STPG2: variants seen among roughly 807,000 people sequenced by gnomAD.
STPG2 encodes the protein sperm-tail PG-rich repeat-containing protein 2.
STPG2 carries 56 observed loss-of-function variants against 54.2 expected under a neutral mutation model. The observed-to-expected ratio is 1.03, with a 90% CI of 0.83 to 1.29. STPG2 has a LOEUF of 1.29. STPG2 is among the 50% of genes most tolerant of loss of function. STPG2 has a pLI of 0.00. For synonymous variants in STPG2, 200 were observed against 181.8 expected (o/e 1.10, Z -0.81); for missense variants, 596 against 544.9 (o/e 1.09, Z -0.93).
chr4:97,692,298 GAA>G (rs70953082), intron 10 of STPG2, among the ~76,000 whole-genome samples: 2,442 of 90,558 alleles, frequency 0.027, 74 homozygotes, highest in African/African-American at 0.098. Flanking sequence ...TACAGGATAT[GAA>G]AAAAAAAAAA....
intron 10 of STPG2, among the ~76,000 whole-genome samples, chr4:97,638,423 C>G (rs984101874): frequency 3.3e-5 from 5 of 152,138 alleles, no homozygotes; most frequent in African/African-American, 1.2e-4. Context: ...CCATTCAGGA[C>G]ATAGGCATGG....
At chr4:97,500,452 G>A (rs1048094637) in intron 4 of STPG2, among the ~76,000 whole-genome samples, 1 of 152,036 alleles carries the variant, frequency 6.6e-6, no homozygotes, top group African/African-American at 2.4e-5. Flanking sequence ...GATTTGATGT[G>A]TGGAGTTTAG....
intron 6 of STPG2, among the ~76,000 whole-genome samples, chr4:97,978,307 C>T (rs1251138124): frequency 6.6e-6 from 1 of 152,136 alleles, no homozygotes; most frequent in Non-Finnish European, 1.5e-5. Context: ...AGAACATATA[C>T]ACCATGAAAT....
intron 8 of STPG2, among the ~76,000 whole-genome samples, chr4:97,844,334 A>G (rs1728885090): frequency 6.6e-6 from 1 of 152,070 alleles, no homozygotes; most frequent in Non-Finnish European, 1.5e-5. Context: ...ATTGCAAATA[A>G]AGATTGACCT....
At chr4:98,038,922 TA>T (rs752108463) in intron 5 of STPG2, among the ~76,000 whole-genome samples, 22 of 151,936 alleles carry the variant, frequency 1.4e-4, no homozygotes, top group Non-Finnish European at 2.5e-4. Context: ...ACTTACATAG[TA>T]AAAAGAGAAA....
At chr4:97,561,882 C>T (rs1732259180) in intron 10 of STPG2, among the ~76,000 whole-genome samples, 1 of 152,236 alleles carries the variant, frequency 6.6e-6, no homozygotes, top group East Asian at 1.9e-4. Flanking sequence ...CGTGATGCCT[C>T]CAGCTTTGTT....
chr4:97,930,701 C>G (rs1196387527), intron 8 of STPG2, among the ~76,000 whole-genome samples: 2 of 152,052 alleles, frequency 1.3e-5, no homozygotes, highest in African/African-American at 4.8e-5. Context: ...AGGTTTTTTT[C>G]TAGTTCAGTG....
chr4:97,542,671 G>T (rs563726627), intron 4 of STPG2, among the ~76,000 whole-genome samples: 3 of 152,084 alleles, frequency 2.0e-5, no homozygotes, highest in Non-Finnish European at 4.4e-5. Context: ...ACATGCACAC[G>T]TATGTTTATT....
chr4:97,681,356 TACAAA>T, intron 10 of STPG2, among the ~76,000 whole-genome samples: 1 of 151,966 alleles, frequency 6.6e-6, no homozygotes, highest in South Asian at 2.1e-4. Flanking sequence ...CTCTAGTTAG[TACAAA>T]ACAATAGCAT....
intron 4 of STPG2, among the ~76,000 whole-genome samples, chr4:97,449,931 CAAA>C: frequency 6.6e-6 from 1 of 152,060 alleles, no homozygotes; most frequent in African/African-American, 2.4e-5. Flanking sequence ...AATTCCAATG[CAAA>C]CAATGTAGCC....
intron 8 of STPG2, among the ~76,000 whole-genome samples, chr4:97,863,136 A>T (rs1009229280): frequency 6.6e-6 from 1 of 151,962 alleles, no homozygotes; most frequent in African/African-American, 2.4e-5. Context: ...AAAAACCCTT[A>T]AAAAAATCAA....
At chr4:97,912,242 C>G (rs1008380371) in intron 8 of STPG2, among the ~76,000 whole-genome samples, 5 of 152,128 alleles carry the variant, frequency 3.3e-5, no homozygotes, top group Non-Finnish European at 7.4e-5. Flanking sequence ...ACTGAAAAGT[C>G]AAAAAACTAC....
chr4:97,852,654 A>G (rs1173938376), intron 8 of STPG2, among the ~76,000 whole-genome samples: 3 of 152,186 alleles, frequency 2.0e-5, no homozygotes, highest in African/African-American at 4.8e-5. Context: ...ACCTACTTCA[A>G]AAACAATTAT....
At chr4:97,919,383 A>G (rs1381751845) in intron 8 of STPG2, among the ~76,000 whole-genome samples, 2 of 151,628 alleles carry the variant, frequency 1.3e-5, no homozygotes, top group Non-Finnish European at 2.9e-5. Flanking sequence ...TCAACAGTCA[A>G]AAGTTTTTCT....
At chr4:98,100,865 G>A (rs1318120349) in intron 5 of STPG2, among the ~76,000 whole-genome samples, 1 of 151,508 alleles carries the variant, frequency 6.6e-6, no homozygotes, top group South Asian at 2.1e-4. Context: ...TAGTAGAGAC[G>A]AGGTTTCACC....
At chr4:97,542,602 C>A (rs1475196173) in intron 4 of STPG2, among the ~76,000 whole-genome samples, 1 of 152,172 alleles carries the variant, frequency 6.6e-6, no homozygotes, top group Non-Finnish European at 1.5e-5. Context: ...CCATTTGACT[C>A]AGCCATCCCA....
At chr4:97,991,073 C>A (rs969999882) in intron 5 of STPG2, among the ~76,000 whole-genome samples, 1 of 152,024 alleles carries the variant, frequency 6.6e-6, no homozygotes, top group Non-Finnish European at 1.5e-5. Context: ...CCATCCCACC[C>A]TTTCCCTCGA....
chr4:97,613,528 G>A (rs1424991285), intron 10 of STPG2, among the ~76,000 whole-genome samples: 2 of 150,992 alleles, frequency 1.3e-5, no homozygotes, highest in Non-Finnish European at 3.0e-5. Context: ...GTATGCACGT[G>A]CGTGTGTGTG....
chr4:98,125,236 T>C (rs1412563977), intron 3 of STPG2, among the ~76,000 whole-genome samples: 2 of 152,178 alleles, frequency 1.3e-5, no homozygotes, highest in Admixed American at 1.3e-4. Flanking sequence ...ATTGCAATCA[T>C]TTGGAGGAGA....
Sources: allele counts gnomAD v4.1 joint callset (sites outside exome capture counted in the v4.1 genomes callset), GRCh38; gene constraint gnomAD v4.1.1; transcripts MANE v1.5; gene names NCBI Gene and HGNC (gene_info 2026-07-23, HGNC 2026-07-21).